Variants in GRK3 observed in about 807,000 individuals in gnomAD.
The protein encoded by GRK3 is adrenergic, beta, receptor kinase 2.
Under a neutral mutation model 95.7 loss-of-function variants are expected in GRK3, and 54 were observed. The ratio of observed to expected loss-of-function variants is 0.56; its 90% confidence interval spans 0.45 to 0.71. GRK3 has a LOEUF of 0.71. GRK3 is among the 30% of genes least tolerant of loss of function. The pLI, the probability that GRK3 is intolerant of heterozygous loss-of-function variation, is 0.00. For missense variants in GRK3, 649 were observed against 851.2 expected, an observed-to-expected ratio of 0.76 and a Z score of 2.96; for synonymous variants, 281 against 290.8, an observed-to-expected ratio of 0.97 and a Z score of 0.34.
At chr22:25,681,209 G>A (rs2085071315) in intron 9 of GRK3, among the ~76,000 whole-genome samples, 1 of 152,136 alleles carries the variant, frequency 6.6e-6, no homozygotes, top group Non-Finnish European at 1.5e-5. Context: ...CAGGCACTCT[G>A]CGGCAAGCTG....
At chr22:25,640,463 C>G (rs921481591) in intron 2 of GRK3, among the ~76,000 whole-genome samples, 6 of 152,194 alleles carry the variant, frequency 3.9e-5, no homozygotes, top group African/African-American at 1.2e-4. Flanking sequence ...CACAGTGGCT[C>G]TTAGTAGATA....
At chr22:25,613,755 TGCTGGAGTCTGCCTGG>T (rs1236085374) in intron 2 of GRK3, among the ~76,000 whole-genome samples, 1 of 152,246 alleles carries the variant, frequency 6.6e-6, no homozygotes, top group Non-Finnish European at 1.5e-5. Context: ...CAGCTCCTGG[TGCTGGAGTCTGCCTGG>T]GCTGGGAGCC....
chr22:25,649,434 A>G (rs2084811971), intron 3 of GRK3, among the ~76,000 whole-genome samples: 1 of 152,178 alleles, frequency 6.6e-6, no homozygotes, highest in South Asian at 2.1e-4. Flanking sequence ...GAATTTTCCA[A>G]CCGATTTCAG....
intron 3 of GRK3, among the ~76,000 whole-genome samples, chr22:25,645,623 A>G (rs980590817): frequency 6.6e-5 from 10 of 152,316 alleles, no homozygotes; most frequent in Admixed American, 2.6e-4. Flanking sequence ...GGCGTGCCTT[A>G]GAAACAGGAT....
chr22:25,675,374 C>T (rs1234439502), intron 8 of GRK3, among the ~76,000 whole-genome samples: 1 of 152,062 alleles, frequency 6.6e-6, no homozygotes, highest in African/African-American at 2.4e-5. Context: ...CCTGGGAGGT[C>T]AGCATTCAGA....
chr22:25,679,083 C>A (rs2085054910), intron 9 of GRK3, among the ~76,000 whole-genome samples, 168 bp downstream of exon 9: 1 of 152,178 alleles, frequency 6.6e-6, no homozygotes, highest in Non-Finnish European at 1.5e-5. Context: ...GAACACCAGC[C>A]ACCTCCATTA....
intron 9 of GRK3, chr22:25,684,605 G>A (rs573593249): frequency 6.6e-6 from 1 of 152,296 alleles, no homozygotes; most frequent in African/African-American, 2.4e-5. Context: ...GATTGAAATG[G>A]GTATTTGAAT....
intron 2 of GRK3, among the ~76,000 whole-genome samples, chr22:25,604,775 G>A (rs1320821309): frequency 6.6e-6 from 1 of 152,202 alleles, no homozygotes; most frequent in Non-Finnish European, 1.5e-5. Flanking sequence ...TTGCTGGGGA[G>A]CTGTGTGTAA....
chr22:25,644,507 A>G (rs1460619163), intron 2 of GRK3, 85 bp from the exon 3 acceptor site: 1 of 631,844 alleles, frequency 1.6e-6, no homozygotes, highest in South Asian at 2.1e-5. Flanking sequence ...AGGTTGAGGT[A>G]TAAACACATT....
intron 2 of GRK3, among the ~76,000 whole-genome samples, chr22:25,625,239 T>C (rs752306791): frequency 2.0e-5 from 3 of 152,192 alleles, no homozygotes; most frequent in Admixed American, 6.5e-5. Flanking sequence ...TTAGAGATGA[T>C]TATATATGAA....
chr22:25,708,004 G>A (rs566523200), intron 15 of GRK3, among the ~76,000 whole-genome samples: 32 of 152,092 alleles, frequency 2.1e-4, no homozygotes, highest in Non-Finnish European at 3.8e-4. Flanking sequence ...TTGGGAGGCC[G>A]AGGTGGGTGG....
At chr22:25,593,748 A>C (rs112718644) in intron 1 of GRK3, among the ~76,000 whole-genome samples, 3,573 of 151,886 alleles carry the variant, frequency 0.024, 48 homozygotes, top group East Asian at 0.037. Flanking sequence ...GCTTTTGAGG[A>C]CTTTTTTTTG....
chr22:25,565,614 CCT>C (rs1263010772), intron 1 of GRK3, among the ~76,000 whole-genome samples: 1 of 152,218 alleles, frequency 6.6e-6, no homozygotes, highest in South Asian at 2.1e-4. Context: ...CCAACTCCAT[CCT>C]CTCACCTCCC....
At chr22:25,575,658 G>A (rs761574314) in intron 1 of GRK3, among the ~76,000 whole-genome samples, 2 of 152,158 alleles carry the variant, frequency 1.3e-5, no homozygotes, top group Admixed American at 6.5e-5. Context: ...ACTAAGATTT[G>A]TAGATGATGT....
chr22:25,622,498 G>A (rs1373129604), intron 2 of GRK3, among the ~76,000 whole-genome samples: 1 of 152,212 alleles, frequency 6.6e-6, no homozygotes, highest in South Asian at 2.1e-4. Flanking sequence ...AGGGCAAGAG[G>A]GAGTGCAGTG....
chr22:25,629,345 G>A (rs1361828194), intron 2 of GRK3, among the ~76,000 whole-genome samples: 1 of 152,216 alleles, frequency 6.6e-6, no homozygotes. Flanking sequence ...TGCCGAGATG[G>A]AAGGAGTCCA....
At chr22:25,647,020 CAAA>C (rs1025786169) in intron 3 of GRK3, among the ~76,000 whole-genome samples, 2,083 of 53,876 alleles carry the variant, frequency 0.039, 7 homozygotes, top group South Asian at 0.1. Context: ...GACTTTGTCT[CAAA>C]AAAAAAAAAA....
At chr22:25,598,058 C>T (rs1569158571) in intron 1 of GRK3, among the ~76,000 whole-genome samples, 2 of 152,018 alleles carry the variant, frequency 1.3e-5, no homozygotes, top group Admixed American at 6.6e-5. Flanking sequence ...AATGTAAAAG[C>T]CATCGAATGT....
chr22:25,703,663 A>C, intron 14 of GRK3, 87 bp downstream of exon 14: 1 of 993,100 alleles, frequency 1.0e-6, no homozygotes, highest in Non-Finnish European at 1.5e-6. Flanking sequence ...ATTACATAAA[A>C]TGTTATAGGA....
Sources: allele counts gnomAD v4.1 joint callset (sites outside exome capture counted in the v4.1 genomes callset), GRCh38; gene constraint gnomAD v4.1.1; transcripts MANE v1.5; gene names NCBI Gene and HGNC (gene_info 2026-07-23, HGNC 2026-07-21).